Variants in LRRTM4 observed in about 807,000 individuals in gnomAD.
LRRTM4 encodes the protein leucine rich repeat transmembrane neuronal 4, also known as leucine-rich repeat transmembrane neuronal protein 4.
LRRTM4 carries 25 observed loss-of-function variants against 47.6 expected under a neutral mutation model. The observed-to-expected ratio is 0.53, with a 90% CI of 0.38 to 0.73. The LOEUF is 0.73. LRRTM4 is among the 30% of genes least tolerant of loss of function. The probability of loss-of-function intolerance (pLI) is 0.00; values close to 1 mark genes in which losing one functional copy is unlikely to be tolerated. For synonymous variants in LRRTM4, 311 were observed against 269.5 expected, an observed-to-expected ratio of 1.15 and a Z score of -1.51; for missense variants, 638 against 713.4, an observed-to-expected ratio of 0.89 and a Z score of 1.20.
At chr2:76,996,988 T>C (rs987888516) in intron 3 of LRRTM4, among the ~76,000 whole-genome samples, 24 of 152,218 alleles carry the variant, frequency 1.6e-4, no homozygotes, top group Admixed American at 1.6e-3. Flanking sequence ...GAAATGCTGG[T>C]CCTCATCAAG....
intron 3 of LRRTM4, among the ~76,000 whole-genome samples, chr2:77,005,002 G>A (rs1238241469): frequency 2.0e-5 from 3 of 152,092 alleles, no homozygotes; most frequent in Admixed American, 2.0e-4. Context: ...TATCTAAAAA[G>A]TAATTAACTT....
chr2:76,916,445 A>G (rs1389391214), intron 3 of LRRTM4, among the ~76,000 whole-genome samples: 2 of 151,706 alleles, frequency 1.3e-5, no homozygotes, highest in Non-Finnish European at 2.9e-5. Context: ...GAAAAATTGT[A>G]AAATTACCAG....
intron 3 of LRRTM4, among the ~76,000 whole-genome samples, chr2:76,795,657 A>G (rs72919640): frequency 0.12 from 18,745 of 151,972 alleles, 1,385 homozygotes; most frequent in East Asian, 0.29. Flanking sequence ...TCTCTTGGCT[A>G]TTATGAATAA....
rs192726319 is a variant in LRRTM4 at position 77,151,663 on chromosome 2, G to A, written c.1551+366655C>T. Among the ~76,000 whole-genome samples the A allele has an allele frequency of 3.7e-3, 569 of 152,214 alleles. 7 individuals carry two copies. The highest frequency in any genetic ancestry group is 0.013 in the African/African-American group (550 of 41,536). On this transcript the variant is annotated intron_variant, in intron 3 of 3. Coordinates refer to ENST00000409884, the MANE Select transcript of LRRTM4 (RefSeq NM_001134745.3). ...CACAGAGAACATTAAACTAAATCAA[G>A]TCAGTCAGTCACAGAAAAACAAAGA...
intron 3 of LRRTM4, among the ~76,000 whole-genome samples, chr2:77,360,309 T>G (rs1454374738): frequency 6.6e-6 from 1 of 151,800 alleles, no homozygotes; most frequent in Non-Finnish European, 1.5e-5. Context: ...TACAAAAAAT[T>G]AGCCGTGCGT....
intron 3 of LRRTM4, among the ~76,000 whole-genome samples, chr2:77,476,628 G>A (rs1677399869): frequency 6.6e-6 from 1 of 151,984 alleles, no homozygotes; most frequent in Admixed American, 6.6e-5. Context: ...CTTTACTATG[G>A]TAGATAATGC....
At chr2:77,017,313 A>G (rs1466909101) in intron 3 of LRRTM4, among the ~76,000 whole-genome samples, 1 of 152,246 alleles carries the variant, frequency 6.6e-6, no homozygotes, top group African/African-American at 2.4e-5. Context: ...ATTTTACTAC[A>G]TAAGCTTTTA....
chr2:77,495,415 G>C (rs775583949), intron 3 of LRRTM4, among the ~76,000 whole-genome samples: 2 of 151,862 alleles, frequency 1.3e-5, no homozygotes, highest in Non-Finnish European at 2.9e-5. Context: ...CCAGTTTATC[G>C]CTTTGTTGTT....
chr2:77,073,833 G>A (rs567687184), intron 3 of LRRTM4, among the ~76,000 whole-genome samples: 1 of 151,760 alleles, frequency 6.6e-6, no homozygotes, highest in Non-Finnish European at 1.5e-5. Flanking sequence ...CTAAATCTGT[G>A]ACCTTCAGCC....
At chr2:77,023,991 A>G (rs151328926) in intron 3 of LRRTM4, among the ~76,000 whole-genome samples, 1,695 of 152,280 alleles carry the variant, frequency 0.011, 117 homozygotes, top group Admixed American at 0.1. Context: ...ACAGTTCCAC[A>G]TGGCTGGGGA....
chr2:77,211,593 T>C (rs1389538746), intron 3 of LRRTM4, among the ~76,000 whole-genome samples: 6 of 152,152 alleles, frequency 3.9e-5, no homozygotes, highest in Non-Finnish European at 7.4e-5. Context: ...TTCTTGCTAG[T>C]TTCAGTTATT....
chr2:77,331,896 A>G (rs1218495797), intron 3 of LRRTM4, among the ~76,000 whole-genome samples: 5 of 152,318 alleles, frequency 3.3e-5, no homozygotes, highest in Non-Finnish European at 5.9e-5. Flanking sequence ...TAAAGAAAAA[A>G]GTGGATTTAC....
chr2:77,039,607 A>AT (rs1455770085), intron 3 of LRRTM4, among the ~76,000 whole-genome samples: 1 of 151,306 alleles, frequency 6.6e-6, no homozygotes, highest in African/African-American at 2.4e-5. Flanking sequence ...AAATTATCTT[A>AT]TTTTACAATG....
At chr2:77,406,525 C>T (rs573905835) in intron 3 of LRRTM4, among the ~76,000 whole-genome samples, 16 of 152,148 alleles carry the variant, frequency 1.1e-4, no homozygotes, top group South Asian at 4.1e-4. Flanking sequence ...TGGTCTTGAA[C>T]GCCTGGGTTC....
At chr2:76,855,963 C>G (rs1672136630) in intron 3 of LRRTM4, among the ~76,000 whole-genome samples, 1 of 152,112 alleles carries the variant, frequency 6.6e-6, no homozygotes. Context: ...AACTGACAGT[C>G]AGTCACTCTG....
At chr2:77,491,536 T>C (rs1238352476) in intron 3 of LRRTM4, among the ~76,000 whole-genome samples, 1 of 151,918 alleles carries the variant, frequency 6.6e-6, no homozygotes, top group Non-Finnish European at 1.5e-5. Flanking sequence ...AATTAAGTCC[T>C]ATCACGTAGT....
intron 3 of LRRTM4, chr2:76,987,489 A>C (rs1402321695): frequency 2.0e-5 from 3 of 151,924 alleles, no homozygotes; most frequent in African/African-American, 7.2e-5. Context: ...TACAGAAAGA[A>C]GACATGTGAG....
Position 77,519,449 on chromosome 2 carries a change from G to C in LRRTM4, c.420C>G (p.Leu140=), listed in dbSNP as rs1558782117. 1.2e-6 allele frequency: 2 copies of C among 1,613,476 alleles called. No homozygotes were observed. The highest frequency in any genetic ancestry group is 8.5e-7 in the Non-Finnish European group (1 of 1,179,650). ...HPVPNLRNLD[L]SYNKLQTLQS... ...GCAATGTCTGAAGCTTATTGTAGGAGAGGTCCAGATTGCGGAGATTGGGAA... is the reference window on the plus strand; with the variant it reads ...GCAATGTCTGAAGCTTATTGTAGGACAGGTCCAGATTGCGGAGATTGGGAA... Residue 140 remains leucine (L), a synonymous_variant, in exon 3 of 4, where the codon CTC becomes CTG. Coordinates refer to ENST00000409884, the MANE Select transcript of LRRTM4 (RefSeq NM_001134745.3). This position sits in a 1 kb window ranked among gnomAD's most constrained non-coding sequence, Gnocchi z 4.6.
chr2:77,425,080 C>T (rs548776926), intron 3 of LRRTM4, among the ~76,000 whole-genome samples: 1 of 152,300 alleles, frequency 6.6e-6, no homozygotes, highest in African/African-American at 2.4e-5. Flanking sequence ...AATAAAACTA[C>T]ACTCACAGAG....
Sources: gnomAD v4.1 joint callset for allele counts (sites outside exome capture counted in the v4.1 genomes callset) on GRCh38, gnomAD v4.1.1 for gene constraint, Gnocchi (gnomAD v3.1) non-coding constraint, MANE v1.5 for transcripts, NCBI Gene and HGNC (gene_info 2026-07-23, HGNC 2026-07-21) for gene names.